SYBU: variants seen among roughly 807,000 people sequenced by gnomAD.
SYBU encodes the protein GOLSYN A protein.
In SYBU, 21 loss-of-function variants were observed where a neutral mutation model predicts 35.9. The observed-to-expected ratio is 0.58, with a 90% confidence interval of 0.41 to 0.84. The LOEUF (loss-of-function observed/expected upper bound fraction) is 0.84, where lower values mean the gene tolerates loss of function less well. Ranked by LOEUF, SYBU falls within the 40% of genes least tolerant of loss-of-function variation. The pLI is 0.00. For synonymous variants in SYBU, 319 were observed against 324.3 expected, an observed-to-expected ratio of 0.98 and a Z score of 0.18; for missense variants, 768 against 848.2, an observed-to-expected ratio of 0.91 and a Z score of 1.17.
At position 109,639,995 on chromosome 8, in the gene SYBU, G is replaced by A. The variant is rs76228917; in HGVS notation, c.229+2733C>T. 7.2e-5 allele frequency among the ~76,000 whole-genome samples: 11 copies of A among 152,288 alleles called. No homozygotes were observed. In the East Asian group the frequency reaches 1.9e-3, roughly 27 times the overall value. On this transcript the variant is annotated intron_variant, in intron 2 of 6. Coordinates refer to ENST00000276646, the MANE Select transcript of SYBU (RefSeq NM_001099754.2). Reference sequence around the variant, plus strand: ...AGTTCTGTAGGAAAGGAAGAGAAAGGCATTAGACTCAAACCTTGGGGAACT... The same window carrying A: ...AGTTCTGTAGGAAAGGAAGAGAAAGACATTAGACTCAAACCTTGGGGAACT...
chr8:109,602,927 G>T (rs1825693325), intron 3 of SYBU, among the ~76,000 whole-genome samples: 1 of 152,152 alleles, frequency 6.6e-6, no homozygotes, highest in Non-Finnish European at 1.5e-5. Context: ...ACAGAATAAT[G>T]AAGTCACAAG....
At position 109,644,776 on chromosome 8, in the gene SYBU, T is replaced by A; in HGVS notation, c.-117A>T. The A allele has an allele frequency of 9.5e-7, 1 of 1,055,932 alleles. No individual in the cohort carries two copies. The highest frequency in any genetic ancestry group is 1.2e-6 in the Non-Finnish European group (1 of 801,132). The allele number at this position is 1,055,932 out of a possible 1,614,324, so 65.4% of individuals were successfully genotyped here. On this transcript the variant is annotated 5_prime_UTR_variant, in exon 1 of 7. Coordinates refer to ENST00000276646, the MANE Select transcript of SYBU (RefSeq NM_001099754.2). ...GGCGCGGGCTGCGGGCGGCGGCTCTTGGTGAGGCTCCAACGCGCCGCCGCC... is the reference window on the plus strand; with the variant it reads ...GGCGCGGGCTGCGGGCGGCGGCTCTAGGTGAGGCTCCAACGCGCCGCCGCC...
chr8:109,683,622 G>A (rs1817454762), upstream of SYBU, among the ~76,000 whole-genome samples: 2 of 152,112 alleles, frequency 1.3e-5, no homozygotes, highest in South Asian at 4.1e-4. Context: ...TAAGACTTTG[G>A]GGGACTGTTG....
At chr8:109,655,497 C>T (rs1816317912) in intron 1 of SYBU, among the ~76,000 whole-genome samples, 1 of 152,154 alleles carries the variant, frequency 6.6e-6, no homozygotes, top group Non-Finnish European at 1.5e-5. Flanking sequence ...ACTTGAAAGG[C>T]TTCTGCCAAA....
intron 5 of SYBU, among the ~76,000 whole-genome samples, chr8:109,579,081 G>A (rs904771732): frequency 2.6e-5 from 4 of 152,128 alleles, no homozygotes; most frequent in African/African-American, 9.7e-5. Context: ...GCAGGAAGAA[G>A]GCCGAAGGAG....
intron 1 of SYBU, among the ~76,000 whole-genome samples, chr8:109,672,974 C>T (rs773275264): frequency 2.0e-5 from 3 of 152,236 alleles, no homozygotes; most frequent in Admixed American, 6.5e-5. Context: ...GCCAGACTGC[C>T]TCTTTGGGTT....
intron 3 of SYBU, among the ~76,000 whole-genome samples, chr8:109,595,034 A>G (rs554329842): frequency 1.3e-5 from 2 of 152,210 alleles, no homozygotes; most frequent in East Asian, 1.9e-4. Flanking sequence ...AAGATAATAT[A>G]TGTAAAACAT....
intron 3 of SYBU, among the ~76,000 whole-genome samples, chr8:109,604,986 G>A (rs1825922707): frequency 6.6e-6 from 1 of 152,164 alleles, no homozygotes; most frequent in Non-Finnish European, 1.5e-5. Context: ...CAGTTTCCCT[G>A]AATAATGTTG....
At chr8:109,606,529 G>T (rs1185669076) in intron 3 of SYBU, among the ~76,000 whole-genome samples, 1 of 152,102 alleles carries the variant, frequency 6.6e-6, no homozygotes, top group Non-Finnish European at 1.5e-5. Flanking sequence ...CTGAGAAAGG[G>T]ATATGGGGCT....
intron 1 of SYBU, among the ~76,000 whole-genome samples, chr8:109,650,493 G>T (rs1816082517): frequency 6.6e-6 from 1 of 152,212 alleles, no homozygotes; most frequent in African/African-American, 2.4e-5. Context: ...GGCAGCTACA[G>T]CAGGGAATGG....
At chr8:109,636,741 G>A (rs1334746116) in intron 2 of SYBU, among the ~76,000 whole-genome samples, 2 of 152,098 alleles carry the variant, frequency 1.3e-5, no homozygotes, top group Non-Finnish European at 2.9e-5. Flanking sequence ...TATAGATATA[G>A]TAAATTCAGA....
chr8:109,668,161 A>AGG lies in SYBU; in HGVS notation c.-129+12548_-129+12549dup, dbSNP rs373230510. Among the ~76,000 whole-genome samples, 15 of 61,498 alleles carry AGG rather than the reference A, an allele frequency of 2.4e-4. 1 individual carries two copies. The highest frequency in any genetic ancestry group is 8.4e-4 in the African/African-American group (14 of 16,660). The allele number at this position is 61,498 out of a possible 152,430, so 40.3% of individuals were successfully genotyped here. A position where few individuals can be genotyped will look rare whatever the true frequency, so the allele number is the denominator to read the frequency against. On this transcript the variant is annotated intron_variant, in intron 1 of 5. Transcript: ENST00000408889. The stretch of plus-strand genomic sequence containing the variant: ...GAAGGAAGAAGAGGCAGAGGGGGAG[A>AGG]GGGGGAGAGAGAGAGAGAGAGAGAG...
At chr8:109,596,414 T>C (rs746157328) in intron 3 of SYBU, among the ~76,000 whole-genome samples, 1 of 152,174 alleles carries the variant, frequency 6.6e-6, no homozygotes, top group Non-Finnish European at 1.5e-5. Flanking sequence ...CACCAATCCA[T>C]CACAAAAACT....
At chr8:109,579,082 G>T (rs1466030901) in intron 5 of SYBU, among the ~76,000 whole-genome samples, 1 of 152,144 alleles carries the variant, frequency 6.6e-6, no homozygotes, top group Non-Finnish European at 1.5e-5. Flanking sequence ...CAGGAAGAAG[G>T]CCGAAGGAGG....
At chr8:109,578,148 A>G (rs1401842895) in intron 5 of SYBU, 131 bp from the exon 6 acceptor site, 7 of 1,005,508 alleles carry the variant, frequency 7.0e-6, no homozygotes, top group African/African-American at 1.6e-5. Context: ...TCTTACCCCA[A>G]TATGACGGTA....
At chr8:109,615,838 T>G (rs929006272) in intron 3 of SYBU, among the ~76,000 whole-genome samples, 1 of 152,030 alleles carries the variant, frequency 6.6e-6, no homozygotes, top group Non-Finnish European at 1.5e-5. Flanking sequence ...GTATGTGATA[T>G]TTTGTGCATA....
At chr8:109,686,634 A>G (rs192258554) in intron 1 of SYBU, among the ~76,000 whole-genome samples, 79 of 152,334 alleles carry the variant, frequency 5.2e-4, no homozygotes, top group Non-Finnish European at 1.0e-3. Flanking sequence ...CCCATTCTTC[A>G]TTTATACTAC....
intron 3 of SYBU, among the ~76,000 whole-genome samples, chr8:109,604,044 A>G (rs950765349): frequency 6.6e-6 from 1 of 152,230 alleles, no homozygotes; most frequent in African/African-American, 2.4e-5. Context: ...TGAATTTAAA[A>G]CAAATGCTTA....
chr8:109,679,218 A>C (rs1327654342), intron 1 of SYBU, among the ~76,000 whole-genome samples: 1 of 152,174 alleles, frequency 6.6e-6, no homozygotes, highest in Non-Finnish European at 1.5e-5. Context: ...GTCTAAAAAG[A>C]GGGAGGAACC....
Sources: gnomAD v4.1 joint callset for allele counts (sites outside exome capture counted in the v4.1 genomes callset) on GRCh38, gnomAD v4.1.1 for gene constraint, MANE v1.5 for transcripts, NCBI Gene and HGNC (gene_info 2026-07-23, HGNC 2026-07-21) for gene names.